Variants in DGKG observed in about 807,000 individuals in gnomAD.
DGKG encodes the protein diacylglycerol kinase gamma.
Under a neutral mutation model 105.3 loss-of-function variants are expected in DGKG, and 78 were observed. That is an observed-to-expected ratio of 0.74 (90% CI 0.62 to 0.89). DGKG has a LOEUF of 0.89. Among genes scored for constraint, DGKG ranks in the 40% least tolerant of loss-of-function variants. The probability of loss-of-function intolerance (pLI) is 0.00; values close to 1 mark genes in which losing one functional copy is unlikely to be tolerated. For missense variants in DGKG, 958 were observed against 1,020.1 expected (o/e 0.94, Z 0.83); for synonymous variants, 346 against 367.1 (o/e 0.94, Z 0.66).
chr3:186,186,033 G>A (rs1314596607), intron 22 of DGKG, among the ~76,000 whole-genome samples: 1 of 145,874 alleles, frequency 6.9e-6, no homozygotes, highest in African/African-American at 2.5e-5. Flanking sequence ...GGGAGGAGGA[G>A]GTTGCAGTGA....
chr3:186,158,508 T>C (rs1716138934), intron 24 of DGKG: 1 of 967,884 alleles, frequency 1.0e-6, no homozygotes, highest in African/African-American at 1.8e-5. Flanking sequence ...CTTTATTACT[T>C]TGTGGTCAAA....
intron 19 of DGKG, among the ~76,000 whole-genome samples, chr3:186,249,352 C>T (rs570675900): frequency 1.4e-3 from 210 of 152,180 alleles, no homozygotes; most frequent in African/African-American, 4.8e-3. Context: ...AAAAGAGCAC[C>T]GGATTAGGAG....
chr3:186,315,538 T>A (rs1255770673), intron 2 of DGKG, among the ~76,000 whole-genome samples: 4 of 152,196 alleles, frequency 2.6e-5, no homozygotes, highest in Admixed American at 2.0e-4. Flanking sequence ...TAGAGAGGTC[T>A]GACGGTCTAT....
chr3:186,161,357 GA>G, intron 24 of DGKG: 1 of 1,354,214 alleles, frequency 7.4e-7, no homozygotes. Flanking sequence ...TGAACTCCTC[GA>G]AGTTGGTTCT....
Position 186,147,302 on chromosome 3 carries a change from G to A in DGKG, c.*2788C>T, listed in dbSNP as rs2108462424. ...GAATCAGAATAAGATAAGAAATAAG[G>A]GATTAGGTTCTCCCCTGACTAACCA... On this transcript the variant is annotated 3_prime_UTR_variant, in exon 25 of 25. Transcript: ENST00000265022. 2.0e-6 allele frequency: 2 copies of A among 985,786 alleles called. No homozygotes were observed. The highest frequency in any genetic ancestry group is 1.1e-4 in the East Asian group (1 of 8,816). The allele number at this position is 985,786 out of a possible 1,614,324, so 61.1% of individuals were successfully genotyped here. A position where few individuals can be genotyped will look rare whatever the true frequency, so the allele number is the denominator to read the frequency against.
chr3:186,210,295 A>G lies in DGKG; in HGVS notation c.1917+1500T>C, dbSNP rs1718972304. Among the ~76,000 whole-genome samples, 1 of 152,174 alleles carries G rather than the reference A, an allele frequency of 6.6e-6. No individual in the cohort carries two copies. Among genetic ancestry groups the G allele is most frequent in the African/African-American group, 2.4e-5 (1 of 41,434 alleles). On this transcript the variant is annotated intron_variant, in intron 21 of 24. Coordinates refer to ENST00000265022, the MANE Select transcript of DGKG (RefSeq NM_001346.3). The surrounding 1 kb of genome is among the most constrained non-coding windows in gnomAD (Gnocchi z 5.2). ...CTCACCAGACGGCTGTGCCAAGGGG[A>G]AAAAATGCACACATATCCCTGTTAG...
intron 15 of DGKG, 103 bp downstream of exon 15, chr3:186,261,596 T>G: frequency 2.4e-6 from 2 of 831,272 alleles, no homozygotes; most frequent in Non-Finnish European, 4.0e-6. Flanking sequence ...TGCTGGGATT[T>G]GAGTCTGCCT....
At chr3:186,228,918 ACTCT>A (rs1719989913) in intron 20 of DGKG, among the ~76,000 whole-genome samples, 1 of 151,996 alleles carries the variant, frequency 6.6e-6, no homozygotes, top group African/African-American at 2.4e-5. Context: ...TAAAGTCCTC[ACTCT>A]CTATACCTGT....
At position 186,279,964 on chromosome 3, in the gene DGKG, C is replaced by CCTTCAATAT; in HGVS notation, c.670_678dup (p.Ile224_Lys226dup). Reference sequence around the variant, plus strand: ...TCGTAGTCCATCCCTTGCAGCATCTCCTTCAATATCTGTGGAATCCAAAGA... The same window carrying CCTTCAATAT: ...TCGTAGTCCATCCCTTGCAGCATCTCCTTCAATATCTTCAATATCTGTGGAATCCAAAGA... On this transcript the variant is annotated inframe_insertion, in exon 9 of 25. Transcript: ENST00000265022. The CCTTCAATAT allele has an allele frequency of 2.5e-6, 4 of 1,613,976 alleles. No homozygotes were observed. The highest frequency in any genetic ancestry group is 3.4e-6 in the Non-Finnish European group (4 of 1,179,936).
intron 1 of DGKG, among the ~76,000 whole-genome samples, chr3:186,358,401 A>G (rs752502093): frequency 1.3e-5 from 2 of 152,224 alleles, no homozygotes; most frequent in Non-Finnish European, 2.9e-5. Context: ...AACAGATTAT[A>G]TTCCAGGGCT....
intron 2 of DGKG, among the ~76,000 whole-genome samples, chr3:186,315,191 C>T (rs936386022): frequency 7.2e-5 from 11 of 152,224 alleles, no homozygotes; most frequent in African/African-American, 2.7e-4. Flanking sequence ...GAAACCCAGT[C>T]ACTTTTAAGT....
intron 2 of DGKG, among the ~76,000 whole-genome samples, chr3:186,318,338 T>C (rs947166485): frequency 3.3e-5 from 5 of 152,204 alleles, no homozygotes; most frequent in Non-Finnish European, 7.3e-5. Context: ...GGGTGTGTTA[T>C]CACCATCTCA....
At chr3:186,251,687 G>A (rs1721235029) in intron 19 of DGKG, 72 bp downstream of exon 19, 1 of 1,568,988 alleles carries the variant, frequency 6.4e-7, no homozygotes, top group South Asian at 1.1e-5. Flanking sequence ...GACCCAGAGG[G>A]GACAACAGAA....
chr3:186,334,744 G>A (rs1560160844), intron 1 of DGKG, among the ~76,000 whole-genome samples: 1 of 152,110 alleles, frequency 6.6e-6, no homozygotes. Flanking sequence ...ACTGAAACAC[G>A]GAGGTTAAGT....
At chr3:186,360,381 G>A (rs1727170556) in intron 1 of DGKG, among the ~76,000 whole-genome samples, 1 of 152,180 alleles carries the variant, frequency 6.6e-6, no homozygotes, top group South Asian at 2.1e-4. Flanking sequence ...ATAGTGCTGG[G>A]TGTAAACGTT....
chr3:186,295,375 G>A (rs924016255), intron 5 of DGKG, among the ~76,000 whole-genome samples: 13 of 151,894 alleles, frequency 8.6e-5, no homozygotes, highest in Non-Finnish European at 1.8e-4. Flanking sequence ...GGTGGCACGT[G>A]CCTGTAGTCC....
At chr3:186,242,890 A>C (rs1240439737) in intron 19 of DGKG, among the ~76,000 whole-genome samples, 1 of 152,116 alleles carries the variant, frequency 6.6e-6, no homozygotes, top group African/African-American at 2.4e-5. Context: ...CTCTGGGGAG[A>C]CTGAGAGTCT....
intron 5 of DGKG, among the ~76,000 whole-genome samples, chr3:186,290,913 C>A (rs770817520): frequency 6.6e-6 from 1 of 152,194 alleles, no homozygotes; most frequent in Non-Finnish European, 1.5e-5. Context: ...AGCGAATAAT[C>A]CCTGGAGAGA....
In DGKG at chr3:186,182,090, T is replaced by A. The variant is rs544370587; in HGVS notation, c.2095+6112A>T. On this transcript the variant is annotated intron_variant, in intron 22 of 24. Transcript: ENST00000265022. ...CCTCAGGATCCAAGACTGGGCACCCTCCCCCTCCCCTTGCTTCACTGGACA... is the reference window on the plus strand; with the variant it reads ...CCTCAGGATCCAAGACTGGGCACCCACCCCCTCCCCTTGCTTCACTGGACA... Among the ~76,000 whole-genome samples the A allele has an allele frequency of 1.8e-3, 271 of 152,144 alleles. 2 individuals are homozygous for A. The highest frequency in any genetic ancestry group is 6.3e-3 in the African/African-American group (260 of 41,506).
Sources: gnomAD v4.1 joint callset for allele counts (sites outside exome capture counted in the v4.1 genomes callset) on GRCh38, gnomAD v4.1.1 for gene constraint, Gnocchi (gnomAD v3.1) non-coding constraint, MANE v1.5 for transcripts, NCBI Gene and HGNC (gene_info 2026-07-23, HGNC 2026-07-21) for gene names.